Variants in PRR16 observed in about 807,000 individuals in gnomAD.
The protein encoded by PRR16 is proline rich 16, also known as protein Largen.
In PRR16, 6 loss-of-function variants were observed where a neutral mutation model predicts 18.2. The ratio of observed to expected loss-of-function variants is 0.33; its 90% CI spans 0.18 to 0.65. The LOEUF is 0.65. Ranked by LOEUF, PRR16 falls within the 30% of genes least tolerant of loss-of-function variation. The pLI is 0.74. For missense variants in PRR16, 412 were observed against 376.6 expected, an observed-to-expected ratio of 1.09 and a Z score of -0.78; for synonymous variants, 151 against 147.8, an observed-to-expected ratio of 1.02 and a Z score of -0.16.
chr5:120,465,711 G>C (rs892714457), intron 1 of PRR16: 2 of 152,530 alleles, frequency 1.3e-5, no homozygotes, highest in Non-Finnish European at 2.9e-5. Context: ...TGCGGTTCTC[G>C]GTGAGGGAGT....
chr5:120,772,412 C>T, the PRR16 span, among the ~76,000 whole-genome samples: 1 of 151,960 alleles, frequency 6.6e-6, no homozygotes, highest in Non-Finnish European at 1.5e-5. Flanking sequence ...TAGTACCTGA[C>T]ATATAGAATG....
At chr5:120,594,718 C>G (rs1297900074) in intron 1 of PRR16, among the ~76,000 whole-genome samples, 1 of 152,072 alleles carries the variant, frequency 6.6e-6, no homozygotes. Context: ...CACTATAGGG[C>G]TACAGTAGCC....
At chr5:120,642,825 C>G (rs1252411212) in intron 1 of PRR16, among the ~76,000 whole-genome samples, 1 of 152,024 alleles carries the variant, frequency 6.6e-6, no homozygotes, top group Non-Finnish European at 1.5e-5. Flanking sequence ...CTGTATGCTC[C>G]CACTGCATTC....
chr5:120,701,266 T>A, the PRR16 span, among the ~76,000 whole-genome samples: 4 of 152,178 alleles, frequency 2.6e-5, no homozygotes, highest in African/African-American at 9.7e-5. Flanking sequence ...TGGAGTTTTA[T>A]TTAATGTCGG....
the PRR16 span, among the ~76,000 whole-genome samples, chr5:120,700,939 G>A: frequency 1.3e-5 from 2 of 152,194 alleles, no homozygotes; most frequent in Non-Finnish European, 2.9e-5. Flanking sequence ...GTGGCTGCCA[G>A]GTGAGTTGAA....
At chr5:120,765,722 C>A in the PRR16 span, among the ~76,000 whole-genome samples, 1 of 152,072 alleles carries the variant, frequency 6.6e-6, no homozygotes, top group South Asian at 2.1e-4. Context: ...CATTGATATC[C>A]AGAAATAGAT....
chr5:120,640,689 C>T (rs1219175285), intron 1 of PRR16, among the ~76,000 whole-genome samples: 1 of 152,108 alleles, frequency 6.6e-6, no homozygotes, highest in Non-Finnish European at 1.5e-5. Context: ...TTTTGGCCAA[C>T]TCCTTCATCT....
At chr5:120,541,033 A>G (rs80079376) in intron 1 of PRR16, among the ~76,000 whole-genome samples, 6,058 of 152,328 alleles carry the variant, frequency 0.04, 133 homozygotes, top group South Asian at 0.05. Context: ...GTATTTTATA[A>G]AGAGATTCTT....
chr5:120,659,240 C>A (rs1756093358), intron 1 of PRR16, among the ~76,000 whole-genome samples: 1 of 151,824 alleles, frequency 6.6e-6, no homozygotes, highest in Non-Finnish European at 1.5e-5. Flanking sequence ...TATTCTATTT[C>A]TTTGTTGGCT....
intron 1 of PRR16, among the ~76,000 whole-genome samples, chr5:120,472,430 C>T (rs921907962): frequency 6.6e-6 from 1 of 151,950 alleles, no homozygotes; most frequent in Non-Finnish European, 1.5e-5. Context: ...TCTTAATAGT[C>T]TCCCTCCCCC....
At chr5:120,711,448 A>G in the PRR16 span, among the ~76,000 whole-genome samples, 1 of 152,162 alleles carries the variant, frequency 6.6e-6, no homozygotes, top group African/African-American at 2.4e-5. Flanking sequence ...TGAGGTATCT[A>G]ATGTGATGTT....
At chr5:120,765,181 G>T in the PRR16 span, among the ~76,000 whole-genome samples, 2 of 151,960 alleles carry the variant, frequency 1.3e-5, no homozygotes. Context: ...TAAATAATGG[G>T]TCATGAACAA....
the PRR16 span, among the ~76,000 whole-genome samples, chr5:120,748,787 G>A: frequency 6.6e-6 from 1 of 152,100 alleles, no homozygotes; most frequent in Non-Finnish European, 1.5e-5. Flanking sequence ...GGAACTGAAA[G>A]AAGGCTCATT....
chr5:120,628,682 T>C (rs1290399212), intron 1 of PRR16, among the ~76,000 whole-genome samples: 5 of 147,584 alleles, frequency 3.4e-5, no homozygotes, highest in Admixed American at 1.4e-4. Flanking sequence ...TATCTATCTA[T>C]CTATCATTCT....
At chr5:120,588,386 G>T (rs1044836376) in intron 1 of PRR16, among the ~76,000 whole-genome samples, 1 of 152,036 alleles carries the variant, frequency 6.6e-6, no homozygotes, top group Non-Finnish European at 1.5e-5. Flanking sequence ...GTCCATTCAC[G>T]TGGCAAATTT....
intron 1 of PRR16, among the ~76,000 whole-genome samples, chr5:120,476,326 A>G (rs1749441325): frequency 6.6e-6 from 1 of 152,154 alleles, no homozygotes; most frequent in Non-Finnish European, 1.5e-5. Flanking sequence ...AGACCATCCC[A>G]GGCAATCTTG....
At chr5:120,664,270 G>T (rs1429091405) in intron 1 of PRR16, among the ~76,000 whole-genome samples, 1 of 151,764 alleles carries the variant, frequency 6.6e-6, no homozygotes, top group Admixed American at 6.6e-5. Context: ...TTGCACTCCA[G>T]CCTGGGAGAC....
chr5:120,501,709 C>T (rs1580655396), intron 1 of PRR16, among the ~76,000 whole-genome samples: 1 of 151,988 alleles, frequency 6.6e-6, no homozygotes, highest in East Asian at 1.9e-4. Context: ...AGTATATCAG[C>T]ACTTTGGGAG....
chr5:120,546,138 A>G (rs1752067381), intron 1 of PRR16, among the ~76,000 whole-genome samples: 1 of 152,124 alleles, frequency 6.6e-6, no homozygotes, highest in Non-Finnish European at 1.5e-5. Context: ...CGTTAGTGGC[A>G]GAGCCCATGC....
Sources: gnomAD v4.1 joint callset for allele counts (sites outside exome capture counted in the v4.1 genomes callset) on GRCh38, gnomAD v4.1.1 for gene constraint, MANE v1.5 for transcripts, NCBI Gene and HGNC (gene_info 2026-07-23, HGNC 2026-07-21) for gene names.